Variants in FOXP1 observed in about 807,000 individuals in gnomAD.
The protein encoded by FOXP1 is forkhead box protein P1.
Under a neutral mutation model 98.2 loss-of-function variants are expected in FOXP1, and 15 were observed. That is an observed-to-expected ratio of 0.15 (90% confidence interval 0.10 to 0.24). The LOEUF is 0.24. Among genes scored for constraint, FOXP1 ranks in the 10% least tolerant of loss-of-function variants. The pLI is 1.00. For synonymous variants in FOXP1, 371 were observed against 314.5 expected (o/e 1.18, Z -1.90); for missense variants, 633 against 848.5 (o/e 0.75, Z 3.15).
intron 6 of FOXP1, among the ~76,000 whole-genome samples, chr3:71,191,583 T>C (rs1216421029): frequency 2.0e-5 from 3 of 152,214 alleles, no homozygotes; most frequent in African/African-American, 7.2e-5. Context: ...TGTTTAGTAA[T>C]CAAAACTTGA....
At chr3:71,146,117 T>C (rs2060296195) in intron 6 of FOXP1, among the ~76,000 whole-genome samples, 1 of 152,168 alleles carries the variant, frequency 6.6e-6, no homozygotes, top group Non-Finnish European at 1.5e-5. Flanking sequence ...AACAGGATGC[T>C]GTCATGGCAC....
chr3:71,040,080 G>GGTGTGT (rs111790256), intron 11 of FOXP1, among the ~76,000 whole-genome samples: 73 of 147,922 alleles, frequency 4.9e-4, no homozygotes, highest in African/African-American at 1.7e-3. Context: ...ACTTGAACAT[G>GGTGTGT]GTGTGTGTGT....
Position 71,460,365 on chromosome 3 carries a change from G to C in FOXP1, c.-168+33061C>G, listed in dbSNP as rs147502684. On this transcript the variant is annotated intron_variant, in intron 3 of 20. Transcript: ENST00000649528. ...AGCGATTCTCCTGCCTCAGCCTCTC[G>C]AGTAGCTGGTGACACAGCCACCTAC... is the stretch of plus-strand genomic sequence containing the variant. Among the ~76,000 whole-genome samples the C allele has an allele frequency of 1.7e-4, 25 of 151,362 alleles. 1 individual carries two copies. In the South Asian group the frequency reaches 2.9e-3, roughly 18 times the overall value.
At chr3:70,998,766 C>T (rs1419908705) in intron 13 of FOXP1, among the ~76,000 whole-genome samples, 1 of 152,150 alleles carries the variant, frequency 6.6e-6, no homozygotes, top group Non-Finnish European at 1.5e-5. Context: ...GCCACACCCA[C>T]CAAAAAACAA....
intron 3 of FOXP1, among the ~76,000 whole-genome samples, chr3:71,429,502 G>C (rs182846012): frequency 2.3e-5 from 3 of 129,058 alleles, no homozygotes; most frequent in East Asian, 5.5e-4. Flanking sequence ...GGGAGGGGGG[G>C]TACTGAAACG....
At chr3:71,414,929 T>C (rs925072685) in intron 3 of FOXP1, among the ~76,000 whole-genome samples, 1 of 152,262 alleles carries the variant, frequency 6.6e-6, no homozygotes, top group South Asian at 2.1e-4. Context: ...TCCATTACCA[T>C]GTTCCCATTC....
intron 3 of FOXP1, among the ~76,000 whole-genome samples, chr3:71,409,684 T>TTA (rs2082589102): frequency 6.6e-6 from 1 of 151,820 alleles, no homozygotes; most frequent in Non-Finnish European, 1.5e-5. Flanking sequence ...AGCCCAGCAG[T>TTA]TAGGGGTTTT....
At chr3:71,359,896 G>A (rs1442043175) in intron 3 of FOXP1, among the ~76,000 whole-genome samples, 8 of 152,050 alleles carry the variant, frequency 5.3e-5, no homozygotes, top group African/African-American at 4.8e-5. Flanking sequence ...AGTTTCAAGC[G>A]ATTATCCTGC....
chr3:71,486,468 G>T (rs746072937), intron 3 of FOXP1, among the ~76,000 whole-genome samples: 25 of 152,012 alleles, frequency 1.6e-4, no homozygotes, highest in Non-Finnish European at 3.7e-4. Context: ...CTGTTTCGGG[G>T]GCCTGCTGAT....
chr3:71,547,902 G>T (rs1370836763), intron 2 of FOXP1, among the ~76,000 whole-genome samples: 1 of 152,184 alleles, frequency 6.6e-6, no homozygotes, highest in African/African-American at 2.4e-5. Context: ...TGGAAGAAAA[G>T]GTCTAAGGTT....
At chr3:71,256,743 CT>C (rs1356848341) in intron 5 of FOXP1, among the ~76,000 whole-genome samples, 1 of 152,140 alleles carries the variant, frequency 6.6e-6, no homozygotes, top group Non-Finnish European at 1.5e-5. Flanking sequence ...GGCTGGGACT[CT>C]TAGTCAAGAT....
intron 5 of FOXP1, among the ~76,000 whole-genome samples, chr3:71,232,272 G>C (rs1339514703): frequency 6.6e-6 from 1 of 152,220 alleles, no homozygotes; most frequent in African/African-American, 2.4e-5. Context: ...TTTCAGTCAA[G>C]TGCTATCGAT....
chr3:71,384,665 C>T (rs1440765575), intron 3 of FOXP1, among the ~76,000 whole-genome samples: 1 of 152,188 alleles, frequency 6.6e-6, no homozygotes, highest in Non-Finnish European at 1.5e-5. Flanking sequence ...CATCTTATCA[C>T]ATATATTTTC....
At chr3:71,231,938 C>T (rs1331647321) in intron 5 of FOXP1, among the ~76,000 whole-genome samples, 7 of 152,212 alleles carry the variant, frequency 4.6e-5, no homozygotes, top group Non-Finnish European at 7.3e-5. Context: ...CTGGGTGATC[C>T]TTCAATTGCA....
At chr3:71,253,186 T>C (rs958885083) in intron 5 of FOXP1, among the ~76,000 whole-genome samples, 5 of 152,230 alleles carry the variant, frequency 3.3e-5, no homozygotes, top group Non-Finnish European at 7.3e-5. Context: ...GGGGCCCATG[T>C]TAAACAGAAG....
At chr3:71,344,441 C>T (rs549341157) in intron 4 of FOXP1, among the ~76,000 whole-genome samples, 36 of 152,284 alleles carry the variant, frequency 2.4e-4, no homozygotes, top group Admixed American at 7.8e-4. Context: ...TCAGTTAAAA[C>T]GACAAATAAT....
chr3:71,437,801 A>T (rs1228138500), intron 3 of FOXP1, among the ~76,000 whole-genome samples: 1 of 152,134 alleles, frequency 6.6e-6, no homozygotes, highest in Non-Finnish European at 1.5e-5. Context: ...GGCGTAAGAG[A>T]CCCAAACCAA....
intron 3 of FOXP1, among the ~76,000 whole-genome samples, chr3:71,380,918 A>T (rs1195524953): frequency 6.6e-6 from 1 of 152,110 alleles, no homozygotes; most frequent in Non-Finnish European, 1.5e-5. Flanking sequence ...TTTCCATATG[A>T]TTAATGTTTT....
At chr3:71,116,291 C>T (rs1346883859) in intron 6 of FOXP1, among the ~76,000 whole-genome samples, 3 of 152,014 alleles carry the variant, frequency 2.0e-5, no homozygotes, top group African/African-American at 7.3e-5. Context: ...CCAGCCTCTT[C>T]ATACCATCTC....
Sources: gnomAD v4.1 joint callset for allele counts (sites outside exome capture counted in the v4.1 genomes callset) on GRCh38, gnomAD v4.1.1 for gene constraint, MANE v1.5 for transcripts, NCBI Gene and HGNC (gene_info 2026-07-23, HGNC 2026-07-21) for gene names.